Variants in ELMOD1 observed in about 807,000 individuals in gnomAD.
The protein encoded by ELMOD1 is ELMO domain containing 1.
Under a neutral mutation model 46.7 loss-of-function variants are expected in ELMOD1, and 21 were observed. That is an observed-to-expected ratio of 0.45 (90% confidence interval 0.32 to 0.65). The LOEUF (loss-of-function observed/expected upper bound fraction) is 0.65. Ranked by LOEUF, ELMOD1 falls within the 30% of genes least tolerant of loss-of-function variation. The pLI is 0.04. For synonymous variants in ELMOD1, 122 were observed against 138.2 expected (o/e 0.88, Z 0.82); for missense variants, 348 against 407.8 (o/e 0.85, Z 1.26).
At position 107,630,570 on chromosome 11, in the gene ELMOD1, T is replaced by C; in HGVS notation, c.163+8T>C. 6.2e-7 allele frequency: 1 copy of C among 1,608,958 alleles called. No homozygotes were observed. The highest frequency in any genetic ancestry group is 2.2e-5 in the East Asian group (1 of 44,792). On this transcript the variant is annotated splice_region_variant and intron_variant, in intron 3 of 11. Coordinates refer to ENST00000265840, the MANE Select transcript of ELMOD1 (RefSeq NM_018712.4). The stretch of plus-strand genomic sequence containing the variant: ...CTAGAACCATGAAAATCGGTAAGCC[T>C]GAGACAAAGAAGTAAGCAAAAGGTA...
intron 2 of ELMOD1, among the ~76,000 whole-genome samples, chr11:107,622,130 C>G (rs1204081641): frequency 1.3e-5 from 2 of 152,140 alleles, no homozygotes; most frequent in Non-Finnish European, 2.9e-5. Flanking sequence ...AGAATGCGAT[C>G]AGTGACAGGT....
chr11:107,656,140 C>A, intron 11 of ELMOD1, 74 bp downstream of exon 11: 1 of 1,492,104 alleles, frequency 6.7e-7, no homozygotes, highest in South Asian at 1.2e-5. Context: ...GTAATCCCAG[C>A]ACTTTGGGAG....
intron 3 of ELMOD1, 57 bp downstream of exon 3, chr11:107,630,619 A>G: frequency 6.2e-7 from 1 of 1,603,018 alleles, no homozygotes; most frequent in South Asian, 1.1e-5. Context: ...GGAAGATACG[A>G]TGTTGTCTTT....
At chr11:107,635,524 C>T in intron 5 of ELMOD1, 112 bp from the exon 6 acceptor site, 1 of 1,066,294 alleles carries the variant, frequency 9.4e-7, no homozygotes, top group Non-Finnish European at 1.3e-6. Context: ...GAGCAATTTC[C>T]TGAATATTAT....
intron 2 of ELMOD1, among the ~76,000 whole-genome samples, chr11:107,619,111 GC>G (rs1312233342): frequency 6.6e-6 from 1 of 151,990 alleles, no homozygotes; most frequent in Non-Finnish European, 1.5e-5. Flanking sequence ...AAGATCCACT[GC>G]CCCCCACCCC....
chr11:107,659,422 A>G (rs1866690521), intron 11 of ELMOD1, among the ~76,000 whole-genome samples: 1 of 152,044 alleles, frequency 6.6e-6, no homozygotes, highest in Admixed American at 6.6e-5. Context: ...CATTCTCATA[A>G]TGTAGGGCTC....
chr11:107,647,824 T>C (rs1286596109), intron 7 of ELMOD1, among the ~76,000 whole-genome samples: 2 of 152,216 alleles, frequency 1.3e-5, no homozygotes, highest in Non-Finnish European at 2.9e-5. Flanking sequence ...CTCAAATATA[T>C]TTAAAAAATT....
intron 9 of ELMOD1, among the ~76,000 whole-genome samples, chr11:107,651,868 G>C (rs1217283405): frequency 6.6e-6 from 1 of 152,146 alleles, no homozygotes; most frequent in Non-Finnish European, 1.5e-5. Flanking sequence ...AACCACTGGA[G>C]GGGGACTGAC....
At chr11:107,606,610 G>A (rs1865688908) in intron 1 of ELMOD1, among the ~76,000 whole-genome samples, 1 of 152,202 alleles carries the variant, frequency 6.6e-6, no homozygotes, top group Non-Finnish European at 1.5e-5. Flanking sequence ...CAAAGCGGGT[G>A]GATCGCTTGA....
intron 1 of ELMOD1, 149 bp from the exon 2 acceptor site, chr11:107,617,956 C>A: frequency 1.8e-6 from 1 of 562,632 alleles, no homozygotes; most frequent in Non-Finnish European, 3.2e-6. Context: ...AACCTCTATC[C>A]ATTGAATTGC....
chr11:107,659,013 A>C (rs776815017), intron 11 of ELMOD1, among the ~76,000 whole-genome samples: 1 of 152,232 alleles, frequency 6.6e-6, no homozygotes, highest in Non-Finnish European at 1.5e-5. Context: ...TCTCCAAAGC[A>C]AATGCCACTT....
Position 107,618,151 on chromosome 11 carries a change from G to C in ELMOD1, c.-39G>C. The C allele has an allele frequency of 6.4e-7, 1 of 1,561,580 alleles. No homozygotes were observed. The highest frequency in any genetic ancestry group is 1.2e-5 in the South Asian group (1 of 84,542). ...GCAAATTTGGAAGCAATTACTTGAG[G>C]ACAGTTCATATAGCATCTGGACAGT... On this transcript the variant is annotated 5_prime_UTR_variant, in exon 2 of 12. Coordinates refer to ENST00000265840, the MANE Select transcript of ELMOD1 (RefSeq NM_018712.4).
chr11:107,664,876 A>G (rs1866814272), intron 11 of ELMOD1, 149 bp from the exon 12 acceptor site: 2 of 694,348 alleles, frequency 2.9e-6, no homozygotes, highest in Non-Finnish European at 4.8e-6. Context: ...AATCTTAAAC[A>G]GTGGTATTTT....
At position 107,665,144 on chromosome 11, in the gene ELMOD1, G is replaced by A. The variant is rs1470562561; in HGVS notation, c.952G>A (p.Asp318Asn). The part of the protein sequence containing the change: ...KRIIKQLQNP[D>N]MALCPHFAAS... The stretch of plus-strand genomic sequence containing the variant: ...GATCATCAAACAGCTGCAGAACCCA[G>A]ACATGGCGCTGTGCCCACATTTTGC... Residue 318 changes from aspartate to asparagine, a missense_variant, in exon 12 of 12, where the codon GAC becomes AAC. Coordinates refer to ENST00000265840, the MANE Select transcript of ELMOD1 (RefSeq NM_018712.4). 1 of 1,614,014 alleles carries A rather than the reference G, an allele frequency of 6.2e-7. No individual in the cohort carries two copies. The highest frequency in any genetic ancestry group is 1.3e-5 in the African/African-American group (1 of 75,044).
chr11:107,605,492 C>T (rs146319087), intron 1 of ELMOD1, among the ~76,000 whole-genome samples: 11 of 152,322 alleles, frequency 7.2e-5, no homozygotes, highest in Non-Finnish European at 1.3e-4. Context: ...TAAGCCAGGG[C>T]GCCCAGCCTT....
intron 6 of ELMOD1, among the ~76,000 whole-genome samples, chr11:107,641,097 G>A (rs1866314996): frequency 6.6e-6 from 1 of 152,114 alleles, no homozygotes; most frequent in African/African-American, 2.4e-5. Flanking sequence ...TTCGAGACCA[G>A]CCTGGCCAAC....
rs746890763 is a variant in ELMOD1 at position 107,655,573 on chromosome 11, C to CTTTTT, written c.699-349_699-345dup. On this transcript the variant is annotated intron_variant, in intron 10 of 11. Coordinates refer to ENST00000265840, the MANE Select transcript of ELMOD1 (RefSeq NM_018712.4). ...ATCAGATTACCCATTATTGAAATGCCTTTTTTTTTTTTTTTGTAAAGTGAA... is the reference window on the plus strand; with the variant it reads ...ATCAGATTACCCATTATTGAAATGCCTTTTTTTTTTTTTTTTTTTTGTAAAGTGAA... Among the ~76,000 whole-genome samples, 115 of 112,442 alleles carry CTTTTT rather than the reference C, an allele frequency of 1.0e-3. 3 individuals are homozygous for CTTTTT. Among genetic ancestry groups the CTTTTT allele is most frequent in the South Asian group, 5.0e-3 (17 of 3,384 alleles). 73.8% of individuals were successfully genotyped at this position (112,442 alleles called of 152,430 possible).
At chr11:107,628,376 G>A (rs1221349589) in intron 2 of ELMOD1, among the ~76,000 whole-genome samples, 2 of 151,944 alleles carry the variant, frequency 1.3e-5, no homozygotes, top group Admixed American at 1.3e-4. Flanking sequence ...CATATTGGCT[G>A]GGATGGCCTC....
chr11:107,612,850 A>G (rs753543332), intron 1 of ELMOD1, among the ~76,000 whole-genome samples: 1 of 152,378 alleles, frequency 6.6e-6, no homozygotes, highest in East Asian at 1.9e-4. Flanking sequence ...TATTCTGTGA[A>G]TAATGAGTTA....
Sources: allele counts gnomAD v4.1 joint callset (sites outside exome capture counted in the v4.1 genomes callset), GRCh38; gene constraint gnomAD v4.1.1; transcripts MANE v1.5; gene names NCBI Gene and HGNC (gene_info 2026-07-23, HGNC 2026-07-21).